IFNAR1: variants seen among roughly 807,000 people sequenced by gnomAD.
IFNAR1 encodes interferon alpha/beta receptor 1.
In IFNAR1, 47 loss-of-function variants were observed where a neutral mutation model predicts 62.1. That is an observed-to-expected ratio of 0.76 (90% CI 0.60 to 0.97). IFNAR1 has a LOEUF of 0.97. Ranked by LOEUF, IFNAR1 falls within the 50% of genes least tolerant of loss-of-function variation. The pLI is 0.00. For missense variants in IFNAR1, 638 were observed against 654.5 expected (o/e 0.97, Z 0.27); for synonymous variants, 219 against 226.9 (o/e 0.97, Z 0.31).
chr21:33,335,384 T>C, intron 1 of IFNAR1, 140 bp from the exon 2 acceptor site: 2 of 480,192 alleles, frequency 4.2e-6, no homozygotes, highest in Non-Finnish European at 7.2e-6. Context: ...GAGCAATCAT[T>C]AGTTTTTTTA....
In IFNAR1 at chr21:33,325,052, C is replaced by T; in HGVS notation, c.-4C>T. On this transcript the variant is annotated 5_prime_UTR_variant, in exon 1 of 11. Transcript: ENST00000270139. ...TAACTGGTGGGATCTGCGGCGGCTCCCAGATGATGGTCGTCCTCCTGGGCG... is the reference window on the plus strand; with the variant it reads ...TAACTGGTGGGATCTGCGGCGGCTCTCAGATGATGGTCGTCCTCCTGGGCG... 1.3e-6 allele frequency: 2 copies of T among 1,599,534 alleles called. No individual in the cohort carries two copies. Among genetic ancestry groups the T allele is most frequent in the Admixed American group, 1.7e-5 (1 of 57,400 alleles).
upstream of IFNAR1, chr21:33,324,767 G>A (rs550470769): frequency 3.0e-4 from 151 of 498,944 alleles, no homozygotes; most frequent in South Asian, 3.9e-3. Flanking sequence ...CAGGAGGCCT[G>A]CGATTTCTAA....
chr21:33,333,541 T>G (rs1228958408), intron 1 of IFNAR1, among the ~76,000 whole-genome samples: 1 of 151,804 alleles, frequency 6.6e-6, no homozygotes, highest in Non-Finnish European at 1.5e-5. Flanking sequence ...ATGACAAATG[T>G]AAGGGCTCAA....
rs1342054031 is a variant in IFNAR1, at chr21:33,353,792, C to T, written c.1440+9C>T. 5 of 1,538,186 alleles carry T rather than the reference C, an allele frequency of 3.3e-6. No individual in the cohort carries two copies. The highest frequency in any genetic ancestry group is 4.4e-6 in the Non-Finnish European group (5 of 1,142,702). On this transcript the variant is annotated intron_variant, in intron 10 of 10. Coordinates refer to ENST00000270139, the MANE Select transcript of IFNAR1 (RefSeq NM_000629.3). ...CTTCCAGTATAGATGAGGTATGTTA[C>T]TTTTTTTATTTTTTTGTCAACAGCT...
intron 2 of IFNAR1, among the ~76,000 whole-genome samples, chr21:33,337,686 C>CTGTATACATACATATACACACATAG (rs2083252348): frequency 1.7e-5 from 1 of 58,536 alleles, no homozygotes; most frequent in Admixed American, 1.7e-4. Context: ...ATAATACATA[C>CTGTATACATACATATACACACATAG]TGTATACATA....
intron 2 of IFNAR1, among the ~76,000 whole-genome samples, chr21:33,337,755 C>G (rs1052453521): frequency 6.6e-6 from 1 of 151,874 alleles, no homozygotes; most frequent in Non-Finnish European, 1.5e-5. Flanking sequence ...TACATATACA[C>G]ACTATATATA....
At chr21:33,333,614 A>AC (rs2083202135) in intron 1 of IFNAR1, among the ~76,000 whole-genome samples, 1 of 107,010 alleles carries the variant, frequency 9.3e-6, no homozygotes. Context: ...CTGGCGGAAT[A>AC]TTTTTTTTTT....
intron 9 of IFNAR1, among the ~76,000 whole-genome samples, chr21:33,353,170 A>C (rs1418942449): frequency 6.6e-6 from 1 of 152,210 alleles, no homozygotes; most frequent in Non-Finnish European, 1.5e-5. Context: ...TTTCTCTTTA[A>C]CATTTAATAA....
chr21:33,358,069 A>G lies in IFNAR1; in HGVS notation c.*2520A>G, dbSNP rs2083465842. 1 of 152,222 alleles carries G rather than the reference A, an allele frequency of 6.6e-6. No homozygotes were observed. The highest frequency in any genetic ancestry group is 1.5e-5 in the Non-Finnish European group (1 of 68,044). 9.4% of individuals were successfully genotyped at this position (152,222 alleles called of 1,614,324 possible). ...AAAATACGGACATTAACATTAAAAG[A>G]CACCAGTGAAATTGTTAGGTCTCTA... On this transcript the variant is annotated 3_prime_UTR_variant, in exon 11 of 11. Transcript: ENST00000270139.
intron 1 of IFNAR1, among the ~76,000 whole-genome samples, chr21:33,329,160 T>C (rs2083154521): frequency 6.6e-6 from 1 of 152,146 alleles, no homozygotes; most frequent in Non-Finnish European, 1.5e-5. Flanking sequence ...AGGAAATCAC[T>C]AGCTGTACCC....
intron 2 of IFNAR1, 80 bp downstream of exon 2, chr21:33,335,727 T>G: frequency 1.7e-6 from 2 of 1,177,516 alleles, no homozygotes; most frequent in South Asian, 3.8e-5. Flanking sequence ...TTTTTAGATT[T>G]GGAAAGTGTT....
At chr21:33,351,566 T>G (rs76665724) in intron 8 of IFNAR1, among the ~76,000 whole-genome samples, 4,002 of 150,596 alleles carry the variant, frequency 0.027, 178 homozygotes, top group African/African-American at 0.092. Context: ...TTTTTTTTTT[T>G]GAGACAGGTT....
chr21:33,334,106 G>A (rs1247930067), intron 1 of IFNAR1, among the ~76,000 whole-genome samples: 1 of 152,064 alleles, frequency 6.6e-6, no homozygotes, highest in Non-Finnish European at 1.5e-5. Context: ...TAATGATAAA[G>A]GGACCAATTC....
rs199669022 is a variant in IFNAR1, at chr21:33,349,555, G to C, written c.1143+12G>C. On this transcript the variant is annotated intron_variant, in intron 8 of 10. Coordinates refer to ENST00000270139, the MANE Select transcript of IFNAR1 (RefSeq NM_000629.3). Reference sequence around the variant, plus strand: ...CTTCAAATGCTGAGGTAAAAAGACTGTATAGTATAATTTTGTAACTTAGAG... The same window carrying C: ...CTTCAAATGCTGAGGTAAAAAGACTCTATAGTATAATTTTGTAACTTAGAG... 6.5e-7 allele frequency: 1 copy of C among 1,537,984 alleles called. No homozygotes were observed. Among genetic ancestry groups the C allele is most frequent in the Admixed American group, 1.9e-5 (1 of 51,598 alleles).
chr21:33,352,554 G>T (rs1231872285), intron 8 of IFNAR1, among the ~76,000 whole-genome samples: 1 of 152,110 alleles, frequency 6.6e-6, no homozygotes, highest in Non-Finnish European at 1.5e-5. Context: ...AGTGAGCCCA[G>T]ATTGCACCAC....
rs899632214 is a variant in IFNAR1 at position 33,358,185 on chromosome 21, A to C, written c.*2636A>C. 1.3e-5 allele frequency: 2 copies of C among 152,240 alleles called. No homozygotes were observed. Among genetic ancestry groups the C allele is most frequent in the Non-Finnish European group, 2.9e-5 (2 of 68,040 alleles). The allele number at this position is 152,240 out of a possible 1,614,324, so 9.4% of individuals were successfully genotyped here. The stretch of plus-strand genomic sequence containing the variant: ...CACCAGCAGCAGAAAACAACAACAA[A>C]AAAACACCTCGTTTTTACCTTGTCT... On this transcript the variant is annotated 3_prime_UTR_variant, in exon 11 of 11. Coordinates refer to ENST00000270139, the MANE Select transcript of IFNAR1 (RefSeq NM_000629.3).
chr21:33,324,833 G>A (rs1293816835), upstream of IFNAR1: 1 of 570,230 alleles, frequency 1.8e-6, no homozygotes, highest in Non-Finnish European at 3.1e-6. Flanking sequence ...GCTTGGAGAA[G>A]GGGTGCTAGC....
chr21:33,351,131 A>G (rs1377239034), intron 8 of IFNAR1, among the ~76,000 whole-genome samples: 2 of 152,332 alleles, frequency 1.3e-5, no homozygotes, highest in East Asian at 1.9e-4. Context: ...GTAAGGTACT[A>G]TGCTAAGTAT....
Position 33,325,090 on chromosome 21 carries a change from T to C in IFNAR1, c.35T>C (p.Val12Ala). 1 of 1,610,972 alleles carries C rather than the reference T, an allele frequency of 6.2e-7. No individual in the cohort carries two copies. Among genetic ancestry groups the C allele is most frequent in the Non-Finnish European group, 8.5e-7 (1 of 1,179,338 alleles). The part of the protein sequence containing the change: ...MVVLLGATTL[V>A]LVAVAPWVLS... ...GTCCTCCTGGGCGCGACGACCCTAG[T>C]GCTCGTCGCCGTGGCGCCATGGGTG... The change falls in exon 1 of 11, where the codon GTG becomes GCG. Residue 12 changes from valine (V) to alanine (A), a missense_variant. Coordinates refer to ENST00000270139, the MANE Select transcript of IFNAR1 (RefSeq NM_000629.3).
Sources: gnomAD v4.1 joint callset for allele counts (sites outside exome capture counted in the v4.1 genomes callset) on GRCh38, gnomAD v4.1.1 for gene constraint, MANE v1.5 for transcripts, NCBI Gene and HGNC (gene_info 2026-07-23, HGNC 2026-07-21) for gene names.